The following PKHD1 variants were observed in gnomAD, a reference collection of about 807,000 sequenced individuals.
PKHD1 encodes PKHD1 ciliary IPT domain containing fibrocystin/polyductin.
Under a neutral mutation model 412.0 loss-of-function variants are expected in PKHD1, and 291 were observed. That is an observed-to-expected ratio of 0.71 (90% CI 0.64 to 0.78). The LOEUF is 0.78. Among genes scored for constraint, PKHD1 ranks in the 30% least tolerant of loss-of-function variants. The probability of loss-of-function intolerance (pLI) is 0.00; values close to 1 mark genes in which losing one functional copy is unlikely to be tolerated. For missense variants in PKHD1, 4,825 were observed against 4,950.7 expected (o/e 0.97, Z 0.76); for synonymous variants, 1,777 against 1,821.5 (o/e 0.98, Z 0.62).
At position 51,880,779 on chromosome 6, in the gene PKHD1, TAAAAAAAAAAAAA is replaced by T. The variant is rs71544105; in HGVS notation, c.7350+2301_7350+2313del. Reference sequence around the variant, plus strand: ...CTTAGAGTATAATAAAAAAAAAAATTAAAAAAAAAAAAAAAAAAAAAAAAAAAACACAAAAAAT... The same window carrying T: ...CTTAGAGTATAATAAAAAAAAAAATTAAAAAAAAAAAAAAACACAAAAAAT... On this transcript the variant is annotated intron_variant, in intron 46 of 66. Coordinates refer to ENST00000371117, the MANE Select transcript of PKHD1 (RefSeq NM_138694.4). 1.6e-3 allele frequency among the ~76,000 whole-genome samples: 48 copies of T among 30,042 alleles called. 6 individuals are homozygous for T. The highest frequency in any genetic ancestry group is 2.0e-3 in the Non-Finnish European group (42 of 21,188). 19.7% of individuals were successfully genotyped at this position (30,042 alleles called of 152,430 possible).
In PKHD1 at chr6:51,981,274, G is replaced by A. The variant is rs554992499; in HGVS notation, c.5752-21248C>T. On this transcript the variant is annotated intron_variant, in intron 35 of 66. Transcript: ENST00000371117. ...AGCTCAAATTCTTCAAAGGCACTGC[G>A]GTACAGAGCCCTTTTAGAGAGGCTC... 3.5e-4 allele frequency among the ~76,000 whole-genome samples: 49 copies of A among 140,022 alleles called. 2 individuals carry two copies. Among genetic ancestry groups the A allele is most frequent in the East Asian group, 8.6e-4 (4 of 4,652 alleles). The allele number at this position is 140,022 out of a possible 152,430, so 91.9% of individuals were successfully genotyped here. A position where few individuals can be genotyped will look rare whatever the true frequency, so the allele number is the denominator to read the frequency against.
rs1766172516 is a variant in PKHD1, at chr6:51,617,533, G to T, written c.*1548C>A. On this transcript the variant is annotated 3_prime_UTR_variant, in exon 67 of 67. Coordinates refer to ENST00000371117, the MANE Select transcript of PKHD1 (RefSeq NM_138694.4). ...ATCATTCCCTGAACACAGATAGCCTGGATTGAAATCTCCTGGAGAGCACTG... is the reference window on the plus strand; with the variant it reads ...ATCATTCCCTGAACACAGATAGCCTTGATTGAAATCTCCTGGAGAGCACTG... The T allele has an allele frequency of 6.6e-6, 1 of 152,108 alleles. No homozygotes were observed. Among genetic ancestry groups the T allele is most frequent in the Non-Finnish European group, 1.5e-5 (1 of 68,040 alleles). The allele number at this position is 152,108 out of a possible 1,614,324, so 9.4% of individuals were successfully genotyped here.
intron 34 of PKHD1, among the ~76,000 whole-genome samples, chr6:52,011,959 G>A (rs940984982): frequency 1.3e-5 from 2 of 152,170 alleles, no homozygotes; most frequent in Non-Finnish European, 2.9e-5. Context: ...GAAGGCCACC[G>A]TGCTTATACT....
intron 35 of PKHD1, among the ~76,000 whole-genome samples, chr6:52,009,131 T>C (rs547871736): frequency 6.6e-6 from 1 of 151,906 alleles, no homozygotes; most frequent in East Asian, 1.9e-4. Context: ...AGAATTAAAA[T>C]TGGTAGTAAA....
In PKHD1 at chr6:51,764,529, A is replaced by G. The variant is rs543810362; in HGVS notation, c.8642+8173T>C. On this transcript the variant is annotated intron_variant, in intron 55 of 66. Transcript: ENST00000371117. ...GGCGATTCCTCAGGGATCTAGAACT[A>G]GAAATACCATTTGACCCAGCCATCC... Among the ~76,000 whole-genome samples the G allele has an allele frequency of 8.1e-4, 121 of 149,124 alleles. 1 individual carries two copies. The highest frequency in any genetic ancestry group is 2.4e-3 in the African/African-American group (99 of 40,866).
In PKHD1 at chr6:51,829,798, G is replaced by A. The variant is rs150492283; in HGVS notation, c.8302+1063C>T. On this transcript the variant is annotated intron_variant, in intron 52 of 66. Transcript: ENST00000371117. ...ACAGTGACCCTCCTTTATTTTACTC[G>A]TAGTCATTTTAGAAAGGGAATGTGC... Among the ~76,000 whole-genome samples the A allele has an allele frequency of 2.2e-4, 33 of 152,076 alleles. No homozygotes were observed. The East Asian group carries it at 5.6e-3, about 26-fold the overall frequency.
chr6:51,917,344 A>T (rs1783989907), intron 37 of PKHD1, among the ~76,000 whole-genome samples: 1 of 152,206 alleles, frequency 6.6e-6, no homozygotes, highest in East Asian at 1.9e-4. Context: ...TGGATGCAAC[A>T]TCACCATTAT....
intron 46 of PKHD1, among the ~76,000 whole-genome samples, chr6:51,872,735 CAGA>C (rs1776170416): frequency 6.6e-6 from 1 of 152,064 alleles, no homozygotes; most frequent in Non-Finnish European, 1.5e-5. Context: ...GCCTCAAGAC[CAGA>C]AGGAGCTACA....
In PKHD1 at chr6:51,744,425, AGGAAATACAGAAACT is replaced by A; in HGVS notation, c.10101_10115del (p.Val3368_Pro3372del). On this transcript the variant is annotated inframe_deletion, in exon 60 of 67. Transcript: ENST00000371117. Reference sequence around the variant, plus strand: ...ATGCAGTCCATTCTGCCTCTGTTTTAGGAAATACAGAAACTGGTGGAGGCAGACCCAGGGCTCTCC... The same window carrying A: ...ATGCAGTCCATTCTGCCTCTGTTTTAGGTGGAGGCAGACCCAGGGCTCTCC... 1 of 1,613,756 alleles carries A rather than the reference AGGAAATACAGAAACT, an allele frequency of 6.2e-7. No individual in the cohort carries two copies. The highest frequency in any genetic ancestry group is 1.1e-5 in the South Asian group (1 of 91,076).
intron 35 of PKHD1, among the ~76,000 whole-genome samples, chr6:51,972,430 C>G (rs929503374): frequency 1.3e-5 from 2 of 152,214 alleles, no homozygotes; most frequent in East Asian, 3.9e-4. Context: ...TGTGTTAATG[C>G]TAATACCACA....
intron 33 of PKHD1, among the ~76,000 whole-genome samples, chr6:52,018,513 A>AATT (rs945300943): frequency 1.4e-4 from 22 of 151,970 alleles, no homozygotes; most frequent in Admixed American, 2.0e-4. Context: ...TAGGTTGACC[A>AATT]ATTATTATTA....
Position 51,870,389 on chromosome 6 carries a change from G to A in PKHD1, c.7486+115C>T, listed in dbSNP as rs190236304. The A allele has an allele frequency of 4.5e-4, 420 of 929,554 alleles. No homozygotes were observed. The African/African-American group carries it at 6.2e-3, about 14-fold the overall frequency. 57.6% of individuals were successfully genotyped at this position (929,554 alleles called of 1,614,324 possible). ...GGAGATTTAAGCAACAGTTTCTACT[G>A]ATGCAATCTTATAACTGAAAGAGAT... On this transcript the variant is annotated intron_variant, in intron 47 of 66. Coordinates refer to ENST00000371117, the MANE Select transcript of PKHD1 (RefSeq NM_138694.4).
rs1562225046 is a variant in PKHD1 at position 51,748,468 on chromosome 6, C to T, written c.9148G>A (p.Gly3050Ser). ...DNIVFGTAGH[G>S]IDLEGQAYTV... ...TAGGCCTGACCCTCTAAATCTATGC[C>T]ATGGCCAGCTGTGCCAAACACAATA... Residue 3050 changes from glycine to serine, a missense_variant, in exon 58 of 67, where the codon GGC (glycine) becomes AGC (serine). Coordinates refer to ENST00000371117, the MANE Select transcript of PKHD1 (RefSeq NM_138694.4). The T allele has an allele frequency of 6.2e-7, 1 of 1,614,000 alleles. No individual in the cohort carries two copies. Among genetic ancestry groups the T allele is most frequent in the Non-Finnish European group, 8.5e-7 (1 of 1,179,928 alleles).
intron 41 of PKHD1, among the ~76,000 whole-genome samples, chr6:51,904,310 C>T (rs1443447599): frequency 6.6e-6 from 1 of 152,128 alleles, no homozygotes; most frequent in Non-Finnish European, 1.5e-5. Flanking sequence ...CTGTTAAGTG[C>T]CACATATCCT....
At chr6:51,991,677 C>T (rs993866620) in intron 35 of PKHD1, among the ~76,000 whole-genome samples, 4 of 152,134 alleles carry the variant, frequency 2.6e-5, no homozygotes, top group Non-Finnish European at 5.9e-5. Flanking sequence ...GTGCCAAAGC[C>T]CAGTAAAGAA....
At chr6:51,689,921 G>A (rs933556079) in intron 60 of PKHD1, among the ~76,000 whole-genome samples, 2 of 152,124 alleles carry the variant, frequency 1.3e-5, no homozygotes, top group Non-Finnish European at 2.9e-5. Context: ...ATACTGCCCA[G>A]AGCAATTTAT....
At chr6:51,670,836 G>C (rs1483719483) in intron 60 of PKHD1, among the ~76,000 whole-genome samples, 1 of 150,668 alleles carries the variant, frequency 6.6e-6, no homozygotes, top group Non-Finnish European at 1.5e-5. Context: ...TGAAATTCTG[G>C]GTTGAAAATT....
At chr6:52,032,958 G>T in intron 29 of PKHD1, 72 bp downstream of exon 29, 1 of 1,309,998 alleles carries the variant, frequency 7.6e-7, no homozygotes, top group Non-Finnish European at 1.1e-6. Context: ...AAATTTCAGA[G>T]GACATTGATT....
chr6:51,736,247 C>T (rs1783829225), intron 60 of PKHD1, among the ~76,000 whole-genome samples: 1 of 152,178 alleles, frequency 6.6e-6, no homozygotes, highest in African/African-American at 2.4e-5. Context: ...GAAATTGTCC[C>T]CATAGATCAC....
Sources: allele counts gnomAD v4.1 joint callset (sites outside exome capture counted in the v4.1 genomes callset), GRCh38; gene constraint gnomAD v4.1.1; transcripts MANE v1.5; gene names NCBI Gene and HGNC (gene_info 2026-07-23, HGNC 2026-07-21).